The following CELF2 variants were observed in gnomAD, a reference collection of about 807,000 sequenced individuals.
CELF2 encodes CUGBP Elav-like family member 2, also known as CUG triplet repeat RNA-binding protein 2.
CELF2 carries 8 observed loss-of-function variants against 62.6 expected under a neutral mutation model. That is an observed-to-expected ratio of 0.13 (90% CI 0.07 to 0.23). The LOEUF is 0.23. Among genes scored for constraint, CELF2 ranks in the 10% least tolerant of loss-of-function variants. The pLI is 1.00. For synonymous variants in CELF2, 258 were observed against 250.0 expected (o/e 1.03, Z -0.30); for missense variants, 333 against 671.0 (o/e 0.50, Z 5.56).
chr10:10,794,098 C>T (rs574330485), upstream of CELF2, among the ~76,000 whole-genome samples: 1 of 152,140 alleles, frequency 6.6e-6, no homozygotes, highest in Non-Finnish European at 1.5e-5. Flanking sequence ...TCTTGGAACC[C>T]TTGACTATCA....
At chr10:10,481,064 A>G in the CELF2 span, among the ~76,000 whole-genome samples, 4 of 152,144 alleles carry the variant, frequency 2.6e-5, no homozygotes, top group African/African-American at 9.7e-5. Flanking sequence ...ACTTCATTTC[A>G]GGGGTAAAAA....
the CELF2 span, among the ~76,000 whole-genome samples, chr10:10,655,471 A>T: frequency 0.025 from 3,236 of 127,856 alleles, 464 homozygotes; most frequent in Non-Finnish European, 0.039. Context: ...ACTTCAAACT[A>T]TACTACAAGG....
At chr10:11,120,277 A>G (rs554034257) in intron 1 of CELF2, among the ~76,000 whole-genome samples, 2 of 152,292 alleles carry the variant, frequency 1.3e-5, no homozygotes, top group South Asian at 4.1e-4. Context: ...AATAGTCCCA[A>G]GGAGCAAATA....
chr10:10,583,087 T>C, the CELF2 span, among the ~76,000 whole-genome samples: 5 of 152,046 alleles, frequency 3.3e-5, no homozygotes, highest in Admixed American at 2.6e-4. Context: ...AAGAAAGACA[T>C]AGGGGATAAT....
the CELF2 span, among the ~76,000 whole-genome samples, chr10:10,681,312 G>A: frequency 6.6e-6 from 1 of 152,130 alleles, no homozygotes; most frequent in Non-Finnish European, 1.5e-5. Context: ...TTATTGATCA[G>A]CGTCAGTTGT....
chr10:10,730,569 C>T, the CELF2 span, among the ~76,000 whole-genome samples: 4 of 152,166 alleles, frequency 2.6e-5, no homozygotes, highest in South Asian at 2.1e-4. Context: ...ACTGAAAACA[C>T]GCATGTGGGA....
intron 1 of CELF2, among the ~76,000 whole-genome samples, chr10:11,092,831 C>A (rs1015210732): frequency 6.6e-6 from 1 of 152,168 alleles, no homozygotes; most frequent in African/African-American, 2.4e-5. Flanking sequence ...GCCTGAACCC[C>A]ATCAGCATTC....
rs1589135340 is a variant in CELF2, at chr10:11,211,467, A to C, written c.272-5958A>C. On this transcript the variant is annotated intron_variant, in intron 2 of 12. Transcript: ENST00000633077. This position sits in a 1 kb window ranked among gnomAD's most constrained non-coding sequence, Gnocchi z 4.8. Reference sequence around the variant, plus strand: ...AATCTGACCTCATATCATTGTCTAGAGTGGTGTCTACATTACCTCCACACT... The same window carrying C: ...AATCTGACCTCATATCATTGTCTAGCGTGGTGTCTACATTACCTCCACACT... Among the ~76,000 whole-genome samples the C allele has an allele frequency of 6.6e-6, 1 of 152,312 alleles. No homozygotes were observed. The highest frequency in any genetic ancestry group is 3.4e-3 in the Middle Eastern group (1 of 294).
the CELF2 span, among the ~76,000 whole-genome samples, chr10:10,606,862 G>A: frequency 8.7e-3 from 1,325 of 152,170 alleles, 22 homozygotes; most frequent in African/African-American, 0.029. Flanking sequence ...AAGATGTAAC[G>A]ACTCAAAGAT....
At chr10:10,595,181 T>C in the CELF2 span, among the ~76,000 whole-genome samples, 2 of 152,216 alleles carry the variant, frequency 1.3e-5, no homozygotes, top group Non-Finnish European at 2.9e-5. Flanking sequence ...AAAATGTATG[T>C]TACATAAAAT....
In CELF2 at chr10:11,280,894, C is replaced by T. The variant is rs2088277867; in HGVS notation, c.841+5774C>T. Reference sequence around the variant, plus strand: ...CGCCAGCCTCCACTGGGTCCTTCCCCATTGACACCTGTGCCCAGGAAGGTA... The same window carrying T: ...CGCCAGCCTCCACTGGGTCCTTCCCTATTGACACCTGTGCCCAGGAAGGTA... On this transcript the variant is annotated intron_variant, in intron 8 of 12. Coordinates refer to ENST00000633077, the MANE Select transcript of CELF2 (RefSeq NM_001326342.2). The surrounding 1 kb of genome is among the most constrained non-coding windows in gnomAD (Gnocchi z 7.6). 6.6e-6 allele frequency among the ~76,000 whole-genome samples: 1 copy of T among 152,090 alleles called. No individual in the cohort carries two copies. The highest frequency in any genetic ancestry group is 1.5e-5 in the Non-Finnish European group (1 of 68,016).
At chr10:10,496,114 T>A in the CELF2 span, among the ~76,000 whole-genome samples, 1 of 152,302 alleles carries the variant, frequency 6.6e-6, no homozygotes, top group African/African-American at 2.4e-5. Context: ...CTAAGGAAAC[T>A]AAAGCTTAGA....
chr10:10,777,667 G>A, the CELF2 span, among the ~76,000 whole-genome samples: 1 of 152,272 alleles, frequency 6.6e-6, no homozygotes, highest in African/African-American at 2.4e-5. Context: ...TGCAGCCAGG[G>A]TGATGTTTCT....
At chr10:11,133,975 T>C (rs191779085) in intron 1 of CELF2, among the ~76,000 whole-genome samples, 60 of 152,354 alleles carry the variant, frequency 3.9e-4, no homozygotes, top group Non-Finnish European at 5.9e-5. Context: ...CAGTTGTCTT[T>C]CGTTTGTCAC....
the CELF2 span, among the ~76,000 whole-genome samples, chr10:10,739,931 C>T: frequency 2.6e-5 from 4 of 152,050 alleles, no homozygotes; most frequent in Non-Finnish European, 5.9e-5. Flanking sequence ...CCTTTTTAAT[C>T]AGGTTATTTG....
At chr10:10,508,965 C>T in the CELF2 span, among the ~76,000 whole-genome samples, 1 of 152,072 alleles carries the variant, frequency 6.6e-6, no homozygotes, top group Non-Finnish European at 1.5e-5. Flanking sequence ...TGAGCCACTG[C>T]GCCCGGCCCA....
intron 1 of CELF2, among the ~76,000 whole-genome samples, chr10:10,827,324 C>T (rs553204097): frequency 6.6e-6 from 1 of 152,256 alleles, no homozygotes; most frequent in South Asian, 2.1e-4. Context: ...ATTTTATTAA[C>T]TCTGTTAAGA....
the CELF2 span, among the ~76,000 whole-genome samples, chr10:10,785,728 A>T: frequency 1.3e-5 from 2 of 152,170 alleles, no homozygotes; most frequent in Non-Finnish European, 2.9e-5. Context: ...CATGGGAGGG[A>T]TGGGGGAAGA....
chr10:10,940,583 A>T (rs2046945737), intron 2 of CELF2, among the ~76,000 whole-genome samples: 1 of 152,256 alleles, frequency 6.6e-6, no homozygotes, highest in African/African-American at 2.4e-5. Flanking sequence ...AATGAAGTAT[A>T]CAAAATTCAG....
Sources: gnomAD v4.1 joint callset for allele counts (sites outside exome capture counted in the v4.1 genomes callset) on GRCh38, gnomAD v4.1.1 for gene constraint, Gnocchi (gnomAD v3.1) non-coding constraint, MANE v1.5 for transcripts, NCBI Gene and HGNC (gene_info 2026-07-23, HGNC 2026-07-21) for gene names.